Variants in FHIT observed in about 807,000 individuals in gnomAD.
FHIT encodes the protein bis(5'-adenosyl)-triphosphatase.
Under a neutral mutation model 17.9 loss-of-function variants are expected in FHIT, and 19 were observed. That is an observed-to-expected ratio of 1.06 (90% CI 0.74 to 1.56). The LOEUF is 1.56. Among genes scored for constraint, FHIT ranks in the 40% most tolerant of loss-of-function variants. The pLI, the probability that FHIT is intolerant of heterozygous loss-of-function variation, is 0.00. For synonymous variants in FHIT, 81 were observed against 69.7 expected (o/e 1.16, Z -0.81); for missense variants, 248 against 189.2 (o/e 1.31, Z -1.82).
At chr3:60,899,298 T>A (rs1437315297) in intron 3 of FHIT, among the ~76,000 whole-genome samples, 1 of 152,222 alleles carries the variant, frequency 6.6e-6, no homozygotes. Context: ...CACATTTGCA[T>A]ATCTTTTTAC....
chr3:60,091,939 T>C (rs924653483), intron 5 of FHIT, among the ~76,000 whole-genome samples: 5 of 152,148 alleles, frequency 3.3e-5, no homozygotes, highest in African/African-American at 2.4e-5. Context: ...GATATTTCTT[T>C]ACAGCAATGT....
chr3:60,504,242 T>G (rs1429379287), intron 5 of FHIT, among the ~76,000 whole-genome samples: 1 of 152,068 alleles, frequency 6.6e-6, no homozygotes, highest in Non-Finnish European at 1.5e-5. Context: ...GAGACCATCC[T>G]GGCCAACATG....
intron 5 of FHIT, among the ~76,000 whole-genome samples, chr3:60,026,782 T>C (rs1700756572): frequency 6.6e-6 from 1 of 152,170 alleles, no homozygotes; most frequent in Non-Finnish European, 1.5e-5. Context: ...CACAGAACAC[T>C]ATATGGTTTA....
chr3:59,856,871 ATTT>A lies in FHIT; in HGVS notation c.348+65472_348+65474del, dbSNP rs61261831. On this transcript the variant is annotated intron_variant, in intron 8 of 9. Coordinates refer to ENST00000492590, the MANE Select transcript of FHIT (RefSeq NM_002012.4). ...CAAGTACTTAGCTCCCCGGCTGAGT[ATTT>A]TTTTTTTTTTTAACTCTCCTTTAAT... Among the ~76,000 whole-genome samples the A allele has an allele frequency of 6.1e-3, 904 of 148,352 alleles. 13 individuals are homozygous for A. The highest frequency in any genetic ancestry group is 0.022 in the African/African-American group (881 of 40,476).
At chr3:60,370,348 G>A (rs1282990345) in intron 5 of FHIT, among the ~76,000 whole-genome samples, 1 of 152,158 alleles carries the variant, frequency 6.6e-6, no homozygotes, top group African/African-American at 2.4e-5. Context: ...GAAATTAACT[G>A]TTCGGAGTGT....
At chr3:60,418,805 T>C (rs1412782102) in intron 5 of FHIT, among the ~76,000 whole-genome samples, 1 of 151,940 alleles carries the variant, frequency 6.6e-6, no homozygotes, top group Non-Finnish European at 1.5e-5. Flanking sequence ...AAGACATCTA[T>C]GACATATGAA....
At chr3:60,522,730 G>T (rs973181613) in intron 5 of FHIT, among the ~76,000 whole-genome samples, 1 of 152,122 alleles carries the variant, frequency 6.6e-6, no homozygotes, top group South Asian at 2.1e-4. Flanking sequence ...ACAGAAAATC[G>T]CCTGATCTCT....
chr3:60,317,444 C>T (rs771790086), intron 5 of FHIT, among the ~76,000 whole-genome samples: 1 of 151,602 alleles, frequency 6.6e-6, no homozygotes, highest in Non-Finnish European at 1.5e-5. Context: ...TTACTATTCA[C>T]CCCCAGATCT....
chr3:60,487,738 T>C (rs2033901783), intron 5 of FHIT, among the ~76,000 whole-genome samples: 1 of 152,166 alleles, frequency 6.6e-6, no homozygotes, highest in East Asian at 1.9e-4. Context: ...TCATACAAAA[T>C]AGTAAGTCCT....
intron 2 of FHIT, among the ~76,000 whole-genome samples, chr3:61,053,052 C>A (rs1243141448): frequency 2.6e-5 from 4 of 152,008 alleles, no homozygotes; most frequent in African/African-American, 9.7e-5. Context: ...ACCAAGGGAA[C>A]AATGAATAAT....
intron 3 of FHIT, among the ~76,000 whole-genome samples, chr3:60,925,542 C>T (rs527558539): frequency 7.9e-5 from 12 of 152,284 alleles, no homozygotes; most frequent in African/African-American, 2.6e-4. Flanking sequence ...GCCTGCCTTA[C>T]AAGAGCTCCT....
At chr3:59,961,230 C>T (rs1040553134) in intron 7 of FHIT, among the ~76,000 whole-genome samples, 5 of 152,026 alleles carry the variant, frequency 3.3e-5, no homozygotes, top group Admixed American at 1.3e-4. Context: ...ACTGCTAGGC[C>T]GTTATGGAAA....
At chr3:59,845,741 T>G (rs1701695406) in intron 8 of FHIT, among the ~76,000 whole-genome samples, 1 of 152,172 alleles carries the variant, frequency 6.6e-6, no homozygotes. Context: ...GAGAAGAATG[T>G]GTATGCTGTT....
intron 5 of FHIT, among the ~76,000 whole-genome samples, chr3:60,422,761 T>A (rs1277171856): frequency 1.3e-5 from 2 of 152,128 alleles, no homozygotes; most frequent in Non-Finnish European, 1.5e-5. Flanking sequence ...GATCTTTTTG[T>A]AATGAAAATT....
intron 4 of FHIT, among the ~76,000 whole-genome samples, chr3:60,678,947 T>A (rs2040684307): frequency 7.2e-6 from 1 of 139,084 alleles, no homozygotes; most frequent in Admixed American, 7.6e-5. Flanking sequence ...CAAAGGTAAC[T>A]GTTTTGAGTC....
intron 3 of FHIT, among the ~76,000 whole-genome samples, chr3:60,910,410 C>CTTT (rs539012384): frequency 7.2e-6 from 1 of 138,138 alleles, no homozygotes; most frequent in East Asian, 2.1e-4. Context: ...GTCTTTCTCT[C>CTTT]TTTTTTTTTT....
chr3:60,831,388 C>T (rs1408065608), intron 3 of FHIT, among the ~76,000 whole-genome samples: 2 of 152,162 alleles, frequency 1.3e-5, no homozygotes, highest in Non-Finnish European at 2.9e-5. Flanking sequence ...CACCAAGGTA[C>T]ATCCTAAATC....
intron 7 of FHIT, among the ~76,000 whole-genome samples, chr3:59,945,406 A>G (rs1216336853): frequency 6.6e-6 from 1 of 152,058 alleles, no homozygotes; most frequent in African/African-American, 2.4e-5. Context: ...TTCCTTATAG[A>G]GTCTGAATCT....
intron 4 of FHIT, among the ~76,000 whole-genome samples, chr3:60,592,229 C>CCTA (rs1553664596): frequency 8.3e-5 from 12 of 144,806 alleles, no homozygotes; most frequent in Non-Finnish European, 6.0e-5. Context: ...TATATATATA[C>CCTA]TATATATATT....
Sources: allele counts gnomAD v4.1 joint callset (sites outside exome capture counted in the v4.1 genomes callset), GRCh38; gene constraint gnomAD v4.1.1; transcripts MANE v1.5; gene names NCBI Gene and HGNC (gene_info 2026-07-23, HGNC 2026-07-21).